The following GIT2 variants were observed in gnomAD, a reference collection of about 807,000 sequenced individuals.
GIT2 encodes GIT ArfGAP 2.
Under a neutral mutation model 100.3 loss-of-function variants are expected in GIT2, and 32 were observed. The ratio of observed to expected loss-of-function variants is 0.32; its 90% CI spans 0.24 to 0.43. The LOEUF (loss-of-function observed/expected upper bound fraction) is 0.43, where lower values mean the gene tolerates loss of function less well. GIT2 is among the 20% of genes least tolerant of loss of function. The pLI, the probability that GIT2 is intolerant of heterozygous loss-of-function variation, is 1.00. For synonymous variants in GIT2, 353 were observed against 364.1 expected (o/e 0.97, Z 0.35); for missense variants, 737 against 975.1 (o/e 0.76, Z 3.25).
upstream of GIT2, chr12:109,996,462 G>A (rs1192883510): frequency 4.0e-6 from 2 of 505,256 alleles, no homozygotes; most frequent in African/African-American, 4.1e-5. Flanking sequence ...GTGAGGGCAG[G>A]AGACTGCCCG....
chr12:109,981,629 C>T (rs1003479262), intron 6 of GIT2: 12 of 152,602 alleles, frequency 7.9e-5, no homozygotes, highest in African/African-American at 2.9e-4. Flanking sequence ...GCCTCCTTAT[C>T]TTCAATTTGC....
chr12:109,996,118 G>C, intron 1 of GIT2, 55 bp downstream of exon 1: 1 of 1,172,608 alleles, frequency 8.5e-7, no homozygotes, highest in East Asian at 3.0e-5. Context: ...CGGCCCCGGG[G>C]TAGGGGTCCG....
intron 18 of GIT2, among the ~76,000 whole-genome samples, chr12:109,937,191 G>A (rs745864642): frequency 5.3e-5 from 8 of 152,050 alleles, no homozygotes; most frequent in Non-Finnish European, 1.2e-4. Flanking sequence ...TTTCCTAGTG[G>A]GAAATAAGGA....
chr12:109,964,738 T>C (rs1046366050), intron 9 of GIT2, among the ~76,000 whole-genome samples: 8 of 147,454 alleles, frequency 5.4e-5, no homozygotes, highest in Admixed American at 1.4e-4. Context: ...CCCTTACAGG[T>C]TACAAAAAGA....
At chr12:109,945,491 G>A in intron 15 of GIT2, 142 bp from the exon 16 acceptor site, 1 of 638,690 alleles carries the variant, frequency 1.6e-6, no homozygotes, top group East Asian at 2.8e-5. Flanking sequence ...ACCAGTGACA[G>A]GACCCCAGAG....
At chr12:109,980,272 T>C (rs1023510420) in intron 7 of GIT2, among the ~76,000 whole-genome samples, 2 of 152,196 alleles carry the variant, frequency 1.3e-5, no homozygotes, top group African/African-American at 4.8e-5. Flanking sequence ...CTCACCCCTC[T>C]TGCCCAGGCT....
chr12:109,952,944 G>A (rs1294470391), intron 13 of GIT2, 148 bp downstream of exon 13: 1 of 688,336 alleles, frequency 1.5e-6, no homozygotes, highest in Non-Finnish European at 2.5e-6. Context: ...GCAGGGACAA[G>A]GATCCCTATT....
chr12:109,936,917 G>A (rs1029893570), intron 18 of GIT2, among the ~76,000 whole-genome samples: 1 of 151,726 alleles, frequency 6.6e-6, no homozygotes, highest in African/African-American at 2.4e-5. Context: ...GGGACACTTT[G>A]CTTTCTGTAA....
intron 7 of GIT2, among the ~76,000 whole-genome samples, chr12:109,978,645 A>G (rs1316098203): frequency 6.6e-6 from 1 of 152,092 alleles, no homozygotes; most frequent in East Asian, 1.9e-4. Flanking sequence ...CCATCCAGTA[A>G]GTTTTAAATT....
intron 1 of GIT2, among the ~76,000 whole-genome samples, chr12:109,995,152 C>T (rs930637083): frequency 3.9e-5 from 6 of 152,190 alleles, no homozygotes; most frequent in African/African-American, 1.4e-4. Context: ...AAAGCCAATA[C>T]ATCCAAGCAC....
chr12:109,986,354 G>A (rs1887375538), intron 4 of GIT2, among the ~76,000 whole-genome samples: 1 of 152,190 alleles, frequency 6.6e-6, no homozygotes, highest in African/African-American at 2.4e-5. Flanking sequence ...CACCATGGCT[G>A]GGCGCAGTGG....
At chr12:109,981,964 G>A (rs1310496401) in intron 6 of GIT2, 2 of 152,190 alleles carry the variant, frequency 1.3e-5, no homozygotes, top group East Asian at 3.8e-4. Context: ...GCTTTGATTT[G>A]TGAGAGGCAC....
intron 13 of GIT2, chr12:109,952,846 T>G (rs2136289794): frequency 1.8e-6 from 1 of 561,712 alleles, no homozygotes; most frequent in East Asian, 3.0e-5. Flanking sequence ...TCCAGAGAAG[T>G]CACTCAGTAA....
At chr12:109,999,673 T>G, upstream of GIT2, 1 of 1,526,974 alleles carries the variant, frequency 6.5e-7, no homozygotes, top group Non-Finnish European at 8.8e-7. The surrounding 1 kb of genome is among the most constrained non-coding windows in gnomAD (Gnocchi z 4.3). Flanking sequence ...GAGGACCAGG[T>G]TACGGCCTCC....
At chr12:109,969,664 G>A (rs767561157) in intron 7 of GIT2, among the ~76,000 whole-genome samples, 20 of 151,496 alleles carry the variant, frequency 1.3e-4, no homozygotes, top group African/African-American at 1.5e-4. Flanking sequence ...CTCCTACTTC[G>A]GCCTCCCAAA....
rs757176450 is a variant in GIT2 at position 109,938,551 on chromosome 12, C to T, written c.1832G>A (p.Arg611Gln). ...CCCTGGCCACACCATACTTCTTTGCCGTCCCTTTCGGCTTGACCTGTGAAC... is the reference window on the plus strand; with the variant it reads ...CCCTGGCCACACCATACTTCTTTGCTGTCCCTTTCGGCTTGACCTGTGAAC... Reference protein sequence around the residue: ...PDGMGSSRKGRQRSMVWPGDG... With the variant: ...PDGMGSSRKGQQRSMVWPGDG... The change falls in exon 18 of 20, where the codon CGG becomes CAG. Residue 611 changes from arginine to glutamine, a missense_variant. Physicochemically the swap from Arg to Gln is conservative, Grantham distance 43. Around this residue, in one of 3 missense-constraint regions of GIT2, gnomAD observed 451 missense variants for 543.7 expected, o/e 0.83. Transcript: ENST00000355312. 5.6e-6 allele frequency: 9 copies of T among 1,600,274 alleles called. No homozygotes were observed. Among genetic ancestry groups the T allele is most frequent in the East Asian group, 4.5e-5 (2 of 44,680 alleles).
intron 6 of GIT2, chr12:109,982,071 T>C (rs1421856821): frequency 6.6e-6 from 1 of 152,248 alleles, no homozygotes; most frequent in African/African-American, 2.4e-5. Context: ...TCTTTTTTAG[T>C]GCTCTGTGAA....
At position 109,967,204 on chromosome 12, in the gene GIT2, C is replaced by T. The variant is rs952815455; in HGVS notation, c.764+254G>A. ...TCTGTAAATAAATAAATACAAAATA[C>T]TGTCACAACTGGCTAAAACAGTGAC... On this transcript the variant is annotated intron_variant, in intron 8 of 19. Transcript: ENST00000355312. 7 of 710,970 alleles carry T rather than the reference C, an allele frequency of 9.8e-6. No homozygotes were observed. The East Asian group carries it at 1.8e-4, about 18-fold the overall frequency. The allele number at this position is 710,970 out of a possible 1,614,324, so 44.0% of individuals were successfully genotyped here. A position where few individuals can be genotyped will look rare whatever the true frequency, so the allele number is the denominator to read the frequency against.
intron 4 of GIT2, among the ~76,000 whole-genome samples, chr12:109,986,918 T>C (rs1460804865): frequency 6.6e-6 from 1 of 150,690 alleles, no homozygotes; most frequent in Admixed American, 6.6e-5. Context: ...GATCATGCCA[T>C]TGCACTACAG....
Sources: gnomAD v4.1 joint callset for allele counts (sites outside exome capture counted in the v4.1 genomes callset) on GRCh38, gnomAD v4.1.1 for gene constraint, gnomAD v4.1.1 regional missense constraint, Gnocchi (gnomAD v3.1) non-coding constraint, MANE v1.5 for transcripts, NCBI Gene and HGNC (gene_info 2026-07-23, HGNC 2026-07-21) for gene names.